Variants in ERC2 observed in about 807,000 individuals in gnomAD.
ERC2 encodes the protein ELKS/RAB6-interacting/CAST family member 2, also known as ERC protein 2.
In ERC2, 42 loss-of-function variants were observed where a neutral mutation model predicts 114.8. The observed-to-expected ratio is 0.37, with a 90% CI of 0.29 to 0.47. ERC2 has a LOEUF of 0.47. ERC2 is among the 20% of genes least tolerant of loss of function. The pLI, the probability that ERC2 is intolerant of heterozygous loss-of-function variation, is 0.99. For synonymous variants in ERC2, 454 were observed against 425.5 expected, an observed-to-expected ratio of 1.07 and a Z score of -0.82; for missense variants, 939 against 1,150.7, an observed-to-expected ratio of 0.82 and a Z score of 2.66.
intron 1 of ERC2, among the ~76,000 whole-genome samples, chr3:56,461,767 G>T (rs2201058): frequency 0.039 from 5,925 of 152,162 alleles, 270 homozygotes; most frequent in African/African-American, 0.11. Context: ...ACATAAATCT[G>T]GACCCTAAAT....
chr3:55,674,385 A>T (rs1287974942), intron 17 of ERC2, among the ~76,000 whole-genome samples: 1 of 152,240 alleles, frequency 6.6e-6, no homozygotes, highest in Non-Finnish European at 1.5e-5. Flanking sequence ...CATAGGAAAA[A>T]TATGGCAAGA....
chr3:55,717,134 T>A (rs970997134), intron 15 of ERC2, among the ~76,000 whole-genome samples: 2 of 152,184 alleles, frequency 1.3e-5, no homozygotes, highest in Non-Finnish European at 2.9e-5. Flanking sequence ...CTGCAGGTAA[T>A]CTAACTATTT....
intron 6 of ERC2, among the ~76,000 whole-genome samples, chr3:56,092,455 T>G (rs2077845611): frequency 6.6e-6 from 1 of 152,170 alleles, no homozygotes; most frequent in Non-Finnish European, 1.5e-5. Flanking sequence ...AAGTTCAAAA[T>G]TTAATGCTCA....
rs760473924 is a variant in ERC2 at position 56,144,492 on chromosome 3, A to T, written c.1305+4485T>A. Among the ~76,000 whole-genome samples, 114 of 152,318 alleles carry T rather than the reference A, an allele frequency of 7.5e-4. 1 individual carries two copies. The highest frequency in any genetic ancestry group is 3.5e-4 in the Non-Finnish European group (24 of 68,032). On this transcript the variant is annotated intron_variant, in intron 5 of 17. Coordinates refer to ENST00000288221, the MANE Select transcript of ERC2 (RefSeq NM_015576.3). ...GACACTCAAAAACTTTCAACTCTAC[A>T]CACCTAAGCAAAGATGATGTTTATA...
At chr3:56,341,314 C>T (rs552699083) in intron 2 of ERC2, among the ~76,000 whole-genome samples, 1 of 152,258 alleles carries the variant, frequency 6.6e-6, no homozygotes, top group East Asian at 1.9e-4. Context: ...TGGGAACAGA[C>T]ACAATGTATC....
intron 2 of ERC2, among the ~76,000 whole-genome samples, chr3:56,382,099 G>C (rs1401471328): frequency 6.6e-6 from 1 of 151,914 alleles, no homozygotes; most frequent in Non-Finnish European, 1.5e-5. Context: ...CCACAGAAGA[G>C]AATTTCCTTT....
At chr3:56,269,565 A>G (rs1440903587) in intron 3 of ERC2, among the ~76,000 whole-genome samples, 2 of 152,242 alleles carry the variant, frequency 1.3e-5, no homozygotes, top group African/African-American at 2.4e-5. Context: ...ATGTCTTAGC[A>G]ACATAGGAGG....
chr3:55,562,349 C>T (rs942359030), intron 17 of ERC2, among the ~76,000 whole-genome samples: 6 of 151,900 alleles, frequency 3.9e-5, no homozygotes, highest in African/African-American at 1.2e-4. Flanking sequence ...GACGGGGTTT[C>T]ACCATGTTGG....
chr3:55,777,509 C>T (rs527525894), intron 14 of ERC2, among the ~76,000 whole-genome samples: 61 of 152,336 alleles, frequency 4.0e-4, no homozygotes, highest in African/African-American at 1.4e-3. Flanking sequence ...GGCTTTGTGT[C>T]TAATCTGAAC....
At chr3:55,837,568 C>CA (rs1331054593) in intron 14 of ERC2, among the ~76,000 whole-genome samples, 1 of 133,816 alleles carries the variant, frequency 7.5e-6, no homozygotes, top group African/African-American at 2.9e-5. Flanking sequence ...ATCACATGGA[C>CA]ACAGGAAGGG....
intron 3 of ERC2, among the ~76,000 whole-genome samples, chr3:56,206,853 C>T (rs1290783353): frequency 1.3e-5 from 2 of 152,188 alleles, no homozygotes; most frequent in Non-Finnish European, 2.9e-5. Flanking sequence ...TTAATTTCAC[C>T]ACTTTTTAAC....
chr3:55,615,157 C>T (rs1214195430), intron 17 of ERC2, among the ~76,000 whole-genome samples: 1 of 152,188 alleles, frequency 6.6e-6, no homozygotes, highest in Non-Finnish European at 1.5e-5. Flanking sequence ...ACACTCTGTT[C>T]TTACTTGTTG....
At chr3:56,112,947 T>C (rs1004776994) in intron 6 of ERC2, among the ~76,000 whole-genome samples, 1 of 152,124 alleles carries the variant, frequency 6.6e-6, no homozygotes, top group South Asian at 2.1e-4. Flanking sequence ...ATCAAAGCCA[T>C]TTGGTCTTTC....
intron 2 of ERC2, among the ~76,000 whole-genome samples, chr3:56,432,732 C>G (rs902599318): frequency 2.6e-5 from 4 of 152,192 alleles, no homozygotes; most frequent in African/African-American, 9.7e-5. Context: ...CCAAGAAAGG[C>G]AGAGCACTTC....
At chr3:56,011,428 C>G (rs1319724328) in intron 8 of ERC2, among the ~76,000 whole-genome samples, 1 of 152,112 alleles carries the variant, frequency 6.6e-6, no homozygotes, top group Non-Finnish European at 1.5e-5. Flanking sequence ...CAGAACGCCT[C>G]CCACATCCCA....
intron 3 of ERC2, among the ~76,000 whole-genome samples, chr3:56,239,373 G>A (rs1221334287): frequency 6.6e-6 from 1 of 152,170 alleles, no homozygotes; most frequent in Non-Finnish European, 1.5e-5. Context: ...AGGCATGGTG[G>A]CATGCGCCTG....
intron 2 of ERC2, among the ~76,000 whole-genome samples, chr3:56,377,808 A>C (rs992562045): frequency 6.6e-6 from 1 of 152,050 alleles, no homozygotes; most frequent in African/African-American, 2.4e-5. Context: ...ACTTGAGCCC[A>C]GTAGTTCCAA....
chr3:56,105,041 G>A (rs181175373), intron 6 of ERC2, among the ~76,000 whole-genome samples: 1 of 152,018 alleles, frequency 6.6e-6, no homozygotes, highest in East Asian at 1.9e-4. Flanking sequence ...AAGAGAGTTT[G>A]CAATGTGAGG....
chr3:55,921,694 G>A (rs1170148002), intron 13 of ERC2, among the ~76,000 whole-genome samples: 2 of 152,050 alleles, frequency 1.3e-5, no homozygotes, highest in East Asian at 1.9e-4. Context: ...TACTAGTTTT[G>A]TATTAATAGG....
Sources: allele counts gnomAD v4.1 joint callset (sites outside exome capture counted in the v4.1 genomes callset), GRCh38; gene constraint gnomAD v4.1.1; transcripts MANE v1.5; gene names NCBI Gene and HGNC (gene_info 2026-07-23, HGNC 2026-07-21).